FKBP1B: variants seen among roughly 807,000 people sequenced by gnomAD.
The protein encoded by FKBP1B is peptidyl-prolyl cis-trans isomerase FKBP1B.
A neutral mutation model predicts 13.5 loss-of-function variants in FKBP1B; 4 were observed. The ratio of observed to expected loss-of-function variants is 0.30; its 90% CI spans 0.15 to 0.68. FKBP1B has a LOEUF of 0.68. Among genes scored for constraint, FKBP1B ranks in the 30% least tolerant of loss-of-function variants. The pLI is 0.76. For missense variants in FKBP1B, 93 were observed against 136.2 expected, an observed-to-expected ratio of 0.68 and a Z score of 1.58; for synonymous variants, 54 against 53.6, an observed-to-expected ratio of 1.01 and a Z score of -0.03.
the FKBP1B span, among the ~76,000 whole-genome samples, chr2:24,042,303 C>A: frequency 6.6e-6 from 1 of 151,760 alleles, no homozygotes; most frequent in Non-Finnish European, 1.5e-5. Context: ...TTTGGGAGGC[C>A]GAGGCAGGCG....
chr2:24,060,202 G>A (rs561154671), intron 2 of FKBP1B, among the ~76,000 whole-genome samples: 1 of 152,326 alleles, frequency 6.6e-6, no homozygotes, highest in South Asian at 2.1e-4. Context: ...AGACCAGTTA[G>A]GAGGTTGTTC....
upstream of FKBP1B, among the ~76,000 whole-genome samples, chr2:24,047,947 C>T (rs1663686016): frequency 6.6e-6 from 1 of 152,140 alleles, no homozygotes; most frequent in South Asian, 2.1e-4. Flanking sequence ...CCTCACAGTA[C>T]AGTCGACAAT....
the FKBP1B span, chr2:24,038,066 CTTTGT>C: frequency 6.2e-7 from 1 of 1,614,086 alleles, no homozygotes; most frequent in Non-Finnish European, 8.5e-7. Context: ...AGCAACAGCC[CTTTGT>C]TTTGGTGACA....
upstream of FKBP1B, among the ~76,000 whole-genome samples, chr2:24,047,803 C>G (rs1428718862): frequency 6.6e-6 from 1 of 152,242 alleles, no homozygotes; most frequent in Non-Finnish European, 1.5e-5. Context: ...TGAGCTGAAG[C>G]CGCTGCATGG....
the FKBP1B span, among the ~76,000 whole-genome samples, chr2:24,033,740 C>A: frequency 1.3e-5 from 2 of 151,906 alleles, no homozygotes; most frequent in African/African-American, 4.8e-5. Flanking sequence ...GACTCCATCT[C>A]TAAATAAATA....
At chr2:24,036,948 A>T in the FKBP1B span, among the ~76,000 whole-genome samples, 1 of 152,278 alleles carries the variant, frequency 6.6e-6, no homozygotes. Flanking sequence ...TGATAAAAAC[A>T]TGTATAATAT....
At chr2:24,039,084 G>A in the FKBP1B span, 7 of 1,614,088 alleles carry the variant, frequency 4.3e-6, no homozygotes, top group Admixed American at 1.7e-5. Context: ...TAGGGAAAAT[G>A]GAGACATCCT....
Position 24,050,080 on chromosome 2 carries a change from C to G in FKBP1B, c.37+194C>G, listed in dbSNP as rs1358748293. On this transcript the variant is annotated intron_variant, in intron 1 of 3. Transcript: ENST00000380986. This position sits in a 1 kb window ranked among gnomAD's most constrained non-coding sequence, Gnocchi z 5.8. Reference sequence around the variant, plus strand: ...CTCCGCCATCCTCTTCCGCGCTCACCTAGGGGAATGTAGGCGGCAGCTCGG... The same window carrying G: ...CTCCGCCATCCTCTTCCGCGCTCACGTAGGGGAATGTAGGCGGCAGCTCGG... Among the ~76,000 whole-genome samples the G allele has an allele frequency of 6.6e-6, 1 of 151,948 alleles. No homozygotes were observed. Among genetic ancestry groups the G allele is most frequent in the Non-Finnish European group, 1.5e-5 (1 of 67,938 alleles).
At chr2:24,038,814 C>T in the FKBP1B span, 16 of 1,614,200 alleles carry the variant, frequency 9.9e-6, no homozygotes, top group Admixed American at 2.0e-4. Flanking sequence ...AGCCACAGAT[C>T]TTATCCAATG....
At chr2:24,034,892 C>A in the FKBP1B span, among the ~76,000 whole-genome samples, 2 of 151,660 alleles carry the variant, frequency 1.3e-5, no homozygotes, top group East Asian at 3.9e-4. Context: ...GTTGTTTTAA[C>A]CTTAGTTTTT....
Position 24,063,551 on chromosome 2 carries a change from C to T in FKBP1B, c.*359C>T, listed in dbSNP as rs1031164653. ...GTGCTCAGACATGAAATGTACATGGCGTACCGTACACAGAGGGACTTGAGC... is the reference window on the plus strand; with the variant it reads ...GTGCTCAGACATGAAATGTACATGGTGTACCGTACACAGAGGGACTTGAGC... On this transcript the variant is annotated 3_prime_UTR_variant, in exon 4 of 4. Coordinates refer to ENST00000380986, the MANE Select transcript of FKBP1B (RefSeq NM_004116.5). 1.1e-5 allele frequency: 3 copies of T among 265,748 alleles called. No individual in the cohort carries two copies. The highest frequency in any genetic ancestry group is 7.1e-6 in the Non-Finnish European group (1 of 140,052). 16.5% of individuals were successfully genotyped at this position (265,748 alleles called of 1,614,324 possible). A position where few individuals can be genotyped will look rare whatever the true frequency, so the allele number is the denominator to read the frequency against.
intron 1 of FKBP1B, among the ~76,000 whole-genome samples, chr2:24,052,021 A>C (rs1170639190): frequency 6.6e-6 from 1 of 152,202 alleles, no homozygotes; most frequent in Admixed American, 6.5e-5. Flanking sequence ...TAGTTGCACT[A>C]TTCATCCAGT....
At position 24,063,419 on chromosome 2, in the gene FKBP1B, T is replaced by C; in HGVS notation, c.*227T>C. The stretch of plus-strand genomic sequence containing the variant: ...GGTTGCAGATTGAAGCATTTCAGGT[T>C]GTGCATTTTGTGTGATGCATGTAGT... On this transcript the variant is annotated 3_prime_UTR_variant, in exon 4 of 4. Coordinates refer to ENST00000380986, the MANE Select transcript of FKBP1B (RefSeq NM_004116.5). 2.0e-6 allele frequency: 1 copy of C among 500,836 alleles called. No individual in the cohort carries two copies. Among genetic ancestry groups the C allele is most frequent in the Non-Finnish European group, 3.5e-6 (1 of 285,630 alleles). The allele number at this position is 500,836 out of a possible 1,614,324, so 31.0% of individuals were successfully genotyped here. A position where few individuals can be genotyped will look rare whatever the true frequency, so the allele number is the denominator to read the frequency against.
chr2:24,038,714 C>A, the FKBP1B span: 4 of 1,614,068 alleles, frequency 2.5e-6, no homozygotes, highest in African/African-American at 5.3e-5. Context: ...GCCTCTTTAT[C>A]CATAGAGCGT....
At chr2:24,038,264 T>C in the FKBP1B span, 3 of 1,614,156 alleles carry the variant, frequency 1.9e-6, no homozygotes, top group South Asian at 1.1e-5. Flanking sequence ...AGAAATGTTG[T>C]ATCAGTGAGT....
In FKBP1B at chr2:24,060,944, A is replaced by AT. The variant is rs756209114; in HGVS notation, c.198+20dup. 4 of 1,580,152 alleles carry AT rather than the reference A, an allele frequency of 2.5e-6. No homozygotes were observed. The highest frequency in any genetic ancestry group is 3.5e-6 in the Non-Finnish European group (4 of 1,149,402). On this transcript the variant is annotated intron_variant, in intron 3 of 3. Transcript: ENST00000380986. ...CAGCCCAGGTAGGATGAGGATTCGC[A>AT]TTAAAGGGGATCTGGGGAGTTGGGG... is the stretch of plus-strand genomic sequence containing the variant.
At chr2:24,054,251 C>T (rs2150963602) in intron 2 of FKBP1B, 1 of 566,376 alleles carries the variant, frequency 1.8e-6, no homozygotes, top group Non-Finnish European at 3.3e-6. Flanking sequence ...AGCCCCTGTC[C>T]CTGCTGGGTC....
At position 24,063,219 on chromosome 2, in the gene FKBP1B, G is replaced by C; in HGVS notation, c.*27G>C. 1 of 1,556,538 alleles carries C rather than the reference G, an allele frequency of 6.4e-7. No homozygotes were observed. The highest frequency in any genetic ancestry group is 8.7e-7 in the Non-Finnish European group (1 of 1,152,884). Reference sequence around the variant, plus strand: ...GGCAGGAAGGAACTCAAGGTGGCTGGAGATGGCTGCTGCTCACCCTCCTAG... The same window carrying C: ...GGCAGGAAGGAACTCAAGGTGGCTGCAGATGGCTGCTGCTCACCCTCCTAG... On this transcript the variant is annotated 3_prime_UTR_variant, in exon 4 of 4. Transcript: ENST00000380986.
chr2:24,045,600 CAA>C (rs869243363), upstream of FKBP1B, among the ~76,000 whole-genome samples: 16 of 64,412 alleles, frequency 2.5e-4, no homozygotes, highest in Non-Finnish European at 3.4e-4. Flanking sequence ...GACTCCATCT[CAA>C]AAAAAAAAAA....
Sources: allele counts gnomAD v4.1 joint callset (sites outside exome capture counted in the v4.1 genomes callset), GRCh38; gene constraint gnomAD v4.1.1; non-coding constraint Gnocchi (gnomAD v3.1); transcripts MANE v1.5; gene names NCBI Gene and HGNC (gene_info 2026-07-23, HGNC 2026-07-21).